Variants in ZFP36L1 observed in about 807,000 individuals in gnomAD.
ZFP36L1 encodes ZFP36 like 1 zinc finger CCCH-type, also known as mRNA decay activator protein ZFP36L1.
Under a neutral mutation model 16.7 loss-of-function variants are expected in ZFP36L1, and 4 were observed. The observed-to-expected ratio is 0.24, with a 90% CI of 0.12 to 0.55. ZFP36L1 has a LOEUF of 0.55. Among genes scored for constraint, ZFP36L1 ranks in the 20% least tolerant of loss-of-function variants. ZFP36L1 has a pLI of 0.94. For synonymous variants in ZFP36L1, 220 were observed against 190.8 expected, an observed-to-expected ratio of 1.15 and a Z score of -1.26; for missense variants, 311 against 449.2, an observed-to-expected ratio of 0.69 and a Z score of 2.78.
At chr14:68,792,121 G>A (rs1895091718) in intron 1 of ZFP36L1, among the ~76,000 whole-genome samples, 1 of 152,062 alleles carries the variant, frequency 6.6e-6, no homozygotes, top group Admixed American at 6.5e-5. Flanking sequence ...ATGTTTTAAG[G>A]AGCCCCCCAT....
At chr14:68,793,611 G>A, upstream of ZFP36L1, 2 of 985,930 alleles carry the variant, frequency 2.0e-6, no homozygotes, top group Non-Finnish European at 2.4e-6. Context: ...TTGAGCTGGC[G>A]GTCTCCTTGA....
At chr14:68,792,417 G>C (rs543888616) in intron 1 of ZFP36L1, among the ~76,000 whole-genome samples, 2 of 152,252 alleles carry the variant, frequency 1.3e-5, no homozygotes, top group Non-Finnish European at 2.9e-5. Flanking sequence ...CCCCCAAAGA[G>C]TGGAGGAAAA....
At chr14:68,796,043 C>G, upstream of ZFP36L1, 1 of 1,334,444 alleles carries the variant, frequency 7.5e-7, no homozygotes, top group South Asian at 1.2e-5. Context: ...CGCTCCTTAC[C>G]CGCGCAGTCC....
chr14:68,795,331 A>C (rs1198051082), upstream of ZFP36L1, among the ~76,000 whole-genome samples: 10 of 139,260 alleles, frequency 7.2e-5, no homozygotes, highest in East Asian at 2.5e-4. Flanking sequence ...CCCCCCAAAA[A>C]AGAGGCCGGC....
chr14:68,790,624 C>A, intron 1 of ZFP36L1, 132 bp from the exon 2 acceptor site: 2 of 1,256,560 alleles, frequency 1.6e-6, no homozygotes, highest in South Asian at 1.4e-5. Flanking sequence ...CTCTAGCAAG[C>A]TCCCTTCCCT....
chr14:68,793,046 C>A lies in ZFP36L1; in HGVS notation c.-108G>T. On this transcript the variant is annotated 5_prime_UTR_variant, in exon 1 of 2. Transcript: ENST00000439696. The stretch of plus-strand genomic sequence containing the variant: ...TGGAGTCCCACACGCCAGTTCCCGG[C>A]GCCCCTCGCCTTTCTGACTCCGGGC... 11 of 1,595,544 alleles carry A rather than the reference C, an allele frequency of 6.9e-6. No homozygotes were observed. The highest frequency in any genetic ancestry group is 8.5e-6 in the Non-Finnish European group (10 of 1,174,404).
At chr14:68,790,536 C>G (rs766451207) in intron 1 of ZFP36L1, 44 bp from the exon 2 acceptor site, 27 of 1,604,366 alleles carry the variant, frequency 1.7e-5, no homozygotes, top group Middle Eastern at 1.7e-4. Flanking sequence ...AGGACATCCA[C>G]CAGGATGTCC....
At chr14:68,795,670 G>A, upstream of ZFP36L1, 1 of 418,474 alleles carries the variant, frequency 2.4e-6, no homozygotes. Context: ...GCTCCGCAAG[G>A]CTGCGACTGG....
At chr14:68,792,170 AT>A (rs1895093925) in intron 1 of ZFP36L1, among the ~76,000 whole-genome samples, 1 of 151,886 alleles carries the variant, frequency 6.6e-6, no homozygotes, top group Admixed American at 6.6e-5. Context: ...TCAAGCCAGC[AT>A]TTTGTCGCCA....
At chr14:68,795,774 T>C (rs758484936), upstream of ZFP36L1, 1 of 534,458 alleles carries the variant, frequency 1.9e-6, no homozygotes, top group African/African-American at 1.9e-5. Flanking sequence ...AACTCTTTTT[T>C]AAATTGTCGG....
Position 68,789,463 on chromosome 14 carries a change from G to T in ZFP36L1, c.*70C>A. Reference sequence around the variant, plus strand: ...GCCTGTGGGGAATGGGATGGGTAGGGAGAAGAGGGTATGGGATGTGGGTGC... The same window carrying T: ...GCCTGTGGGGAATGGGATGGGTAGGTAGAAGAGGGTATGGGATGTGGGTGC... On this transcript the variant is annotated 3_prime_UTR_variant, in exon 2 of 2. Transcript: ENST00000439696. This position sits in a 1 kb window ranked among gnomAD's most constrained non-coding sequence, Gnocchi z 4.5. The T allele has an allele frequency of 1.2e-6, 2 of 1,601,366 alleles. No individual in the cohort carries two copies. Among genetic ancestry groups the T allele is most frequent in the Non-Finnish European group, 1.7e-6 (2 of 1,173,564 alleles).
chr14:68,793,008 A>G lies in ZFP36L1; in HGVS notation c.-70T>C. On this transcript the variant is annotated 5_prime_UTR_variant, in exon 1 of 2. Transcript: ENST00000439696. ...GAAGGTCCCGGTGCGGGGAAGGCGC[A>G]GCCTCTCCTGTCTGGAGTCCCACAC... The G allele has an allele frequency of 1.9e-6, 3 of 1,608,092 alleles. No homozygotes were observed. The highest frequency in any genetic ancestry group is 2.7e-5 in the African/African-American group (2 of 74,976).
At position 68,792,889 on chromosome 14, in the gene ZFP36L1, A is replaced by G. The variant is rs769737498; in HGVS notation, c.50T>C (p.Leu17Ser). The G allele has an allele frequency of 1.2e-6, 2 of 1,614,096 alleles. No individual in the cohort carries two copies. Among genetic ancestry groups the G allele is most frequent in the African/African-American group, 1.3e-5 (1 of 75,052 alleles). Reference sequence around the variant, plus strand: ...TGCTCCGCCCCCCTTTACCTTGCATAAAACTTCGCTCAAGTCGAAGATGGT... The same window carrying G: ...TGCTCCGCCCCCCTTTACCTTGCATGAAACTTCGCTCAAGTCGAAGATGGT... ...SATIFDLSEV[L>S]CKGNKMLNYS... Residue 17 changes from leucine (L) to serine (S), a missense_variant, in exon 1 of 2, where the codon TTA becomes TCA. By Grantham distance (145) the Leu-to-Ser change is moderately radical. This residue lies in a region of ZFP36L1 where 137 missense variants were observed against 142.6 expected (regional missense o/e 0.96). Transcript: ENST00000439696.
chr14:68,793,748 T>C, upstream of ZFP36L1: 1 of 985,410 alleles, frequency 1.0e-6, no homozygotes, highest in Non-Finnish European at 1.2e-6. Context: ...AAGCCTAGGA[T>C]TTTATGTTGC....
intron 1 of ZFP36L1, chr14:68,791,121 C>T: frequency 1.4e-6 from 1 of 693,908 alleles, no homozygotes; most frequent in South Asian, 1.5e-5. Flanking sequence ...GATGTGATTC[C>T]TGAAAATAAA....
chr14:68,794,920 A>C (rs1014881089), upstream of ZFP36L1, among the ~76,000 whole-genome samples: 29 of 152,292 alleles, frequency 1.9e-4, no homozygotes, highest in African/African-American at 6.7e-4. Flanking sequence ...CCTCTGCCCG[A>C]AATGGATGGC....
rs1222497819 is a variant in ZFP36L1 at position 68,789,368 on chromosome 14, G to A, written c.*165C>T. ...TTGTCCTTATGTTAGGTGGGGTTATGAGGGGGAGAGGGAGGGCACATTCTG... is the reference window on the plus strand; with the variant it reads ...TTGTCCTTATGTTAGGTGGGGTTATAAGGGGGAGAGGGAGGGCACATTCTG... On this transcript the variant is annotated 3_prime_UTR_variant, in exon 2 of 2. Transcript: ENST00000439696. This position sits in a 1 kb window ranked among gnomAD's most constrained non-coding sequence, Gnocchi z 4.5. 6.9e-6 allele frequency: 7 copies of A among 1,011,736 alleles called. No homozygotes were observed. Among genetic ancestry groups the A allele is most frequent in the Middle Eastern group, 3.3e-4 (1 of 3,044 alleles). The allele number at this position is 1,011,736 out of a possible 1,614,324, so 62.7% of individuals were successfully genotyped here. A position where few individuals can be genotyped will look rare whatever the true frequency, so the allele number is the denominator to read the frequency against.
At chr14:68,793,693 C>G (rs963979513), upstream of ZFP36L1, 14 of 985,506 alleles carry the variant, frequency 1.4e-5, no homozygotes, top group South Asian at 3.3e-4. Flanking sequence ...TTCGGCAAAC[C>G]GGGCAGGCCG....
Position 68,788,323 on chromosome 14 carries a change from A to C in ZFP36L1, c.*1210T>G, listed in dbSNP as rs1894967380. ...CATCCCGATAAATATGAACAAAATT[A>C]ACAAAAAAAAGCATAGTTTGGCAAT... On this transcript the variant is annotated 3_prime_UTR_variant, in exon 2 of 2. Transcript: ENST00000439696. 6.6e-6 allele frequency: 1 copy of C among 152,574 alleles called. No homozygotes were observed. Among genetic ancestry groups the C allele is most frequent in the African/African-American group, 2.4e-5 (1 of 41,460 alleles). 9.5% of individuals were successfully genotyped at this position (152,574 alleles called of 1,614,324 possible).
Sources: allele counts gnomAD v4.1 joint callset (sites outside exome capture counted in the v4.1 genomes callset), GRCh38; gene constraint gnomAD v4.1.1; regional missense constraint gnomAD v4.1.1; non-coding constraint Gnocchi (gnomAD v3.1); transcripts MANE v1.5; gene names NCBI Gene and HGNC (gene_info 2026-07-23, HGNC 2026-07-21).